EEF1E1: variants seen among roughly 807,000 people sequenced by gnomAD.
EEF1E1 encodes the protein eukaryotic translation elongation factor 1 epsilon 1.
Under a neutral mutation model 19.9 loss-of-function variants are expected in EEF1E1, and 19 were observed. The observed-to-expected ratio is 0.95, with a 90% CI of 0.66 to 1.40. The LOEUF (loss-of-function observed/expected upper bound fraction) is 1.40. Ranked by LOEUF, EEF1E1 falls within the 40% of genes most tolerant of loss-of-function variation. EEF1E1 has a pLI of 0.00. For synonymous variants in EEF1E1, 81 were observed against 80.0 expected, an observed-to-expected ratio of 1.01 and a Z score of -0.07; for missense variants, 198 against 202.2, an observed-to-expected ratio of 0.98 and a Z score of 0.13.
chr6:8,088,859 G>C (rs1465547072), intron 3 of EEF1E1, among the ~76,000 whole-genome samples: 3 of 152,036 alleles, frequency 2.0e-5, no homozygotes, highest in Admixed American at 1.3e-4. Flanking sequence ...ATGGAGGAAG[G>C]CTCGGTGATA....
chr6:8,074,387 A>G (rs1757545641), intron 3 of EEF1E1, among the ~76,000 whole-genome samples: 1 of 152,204 alleles, frequency 6.6e-6, no homozygotes, highest in Non-Finnish European at 1.5e-5. Context: ...AGCTCAGTAC[A>G]TTCTTTTACC....
At chr6:8,082,385 C>A (rs927263881) in intron 3 of EEF1E1, among the ~76,000 whole-genome samples, 2 of 152,200 alleles carry the variant, frequency 1.3e-5, no homozygotes, top group Non-Finnish European at 2.9e-5. Context: ...TCAAGCGATT[C>A]TCCTGCCTCA....
At chr6:8,099,767 CACACACACA>C in intron 1 of EEF1E1, among the ~76,000 whole-genome samples, 1 of 118,000 alleles carries the variant, frequency 8.5e-6, no homozygotes. Flanking sequence ...CACACACACA[CACACACACA>C]CACACACACA....
rs1330574289 is a variant in EEF1E1 at position 8,079,665 on chromosome 6, C to G, written c.*225G>C. On this transcript the variant is annotated 3_prime_UTR_variant, in exon 4 of 4. Coordinates refer to ENST00000379715, the MANE Select transcript of EEF1E1 (RefSeq NM_004280.5). ...TACTAAAAACAAGGTTAATTTATAA[C>G]TGGATCTCAACTTGTTTAATAGCAA... 2 of 1,204,884 alleles carry G rather than the reference C, an allele frequency of 1.7e-6. No homozygotes were observed. Among genetic ancestry groups the G allele is most frequent in the Middle Eastern group, 3.3e-4 (1 of 3,014 alleles). 74.6% of individuals were successfully genotyped at this position (1,204,884 alleles called of 1,614,324 possible). A position where few individuals can be genotyped will look rare whatever the true frequency, so the allele number is the denominator to read the frequency against.
chr6:8,092,999 T>C (rs1437494114), intron 2 of EEF1E1, among the ~76,000 whole-genome samples: 1 of 150,018 alleles, frequency 6.7e-6, no homozygotes, highest in African/African-American at 2.5e-5. Context: ...CTCAGCCTCC[T>C]GAGTAGCTGG....
At position 8,097,294 on chromosome 6, in the gene EEF1E1, A is replaced by G; in HGVS notation, c.261T>C (p.Ser87=). The change falls in exon 2 of 4, where the codon AGT becomes AGC. Residue 87 remains serine (S), a synonymous_variant. Transcript: ENST00000379715. ...TCAACAGTGTGTGGATGTCATTTTT[A>G]CTGGAGTGCCCATCTACTTGAGTGA... ...YRVTQVDGHS[S]KNDIHTLLKD... 6.2e-7 allele frequency: 1 copy of G among 1,614,200 alleles called. No homozygotes were observed. Among genetic ancestry groups the G allele is most frequent in the South Asian group, 1.1e-5 (1 of 91,088 alleles).
intron 1 of EEF1E1, among the ~76,000 whole-genome samples, chr6:8,100,531 T>C (rs1462782373): frequency 6.6e-6 from 1 of 152,128 alleles, no homozygotes; most frequent in African/African-American, 2.4e-5. Context: ...CTCAACAATC[T>C]TTCCATGTCC....
chr6:8,092,468 AT>A (rs781005391), intron 2 of EEF1E1, among the ~76,000 whole-genome samples: 4 of 152,186 alleles, frequency 2.6e-5, no homozygotes, highest in South Asian at 2.1e-4. Flanking sequence ...GACGATTTTC[AT>A]TTAAAGACAG....
At chr6:8,079,019 TATG>T (rs561041494), downstream of EEF1E1, among the ~76,000 whole-genome samples, 1 of 152,184 alleles carries the variant, frequency 6.6e-6, no homozygotes, top group Non-Finnish European at 1.5e-5. Flanking sequence ...TCTTTAGCTC[TATG>T]ATAACTATTA....
intron 1 of EEF1E1, among the ~76,000 whole-genome samples, chr6:8,100,771 C>T (rs1758326501): frequency 6.6e-6 from 1 of 151,572 alleles, no homozygotes; most frequent in Non-Finnish European, 1.5e-5. Context: ...TCTTTACGTA[C>T]AGCTGTCCTG....
chr6:8,099,519 G>T (rs1209040474), intron 1 of EEF1E1, among the ~76,000 whole-genome samples: 1 of 152,116 alleles, frequency 6.6e-6, no homozygotes, highest in Non-Finnish European at 1.5e-5. Context: ...GGCTGAGGTG[G>T]GCGGATCACC....
intron 3 of EEF1E1, among the ~76,000 whole-genome samples, chr6:8,080,832 T>G (rs1292342910): frequency 6.6e-6 from 1 of 152,220 alleles, no homozygotes. Flanking sequence ...AGTGCAAGTC[T>G]CTATAATGCT....
intron 1 of EEF1E1, among the ~76,000 whole-genome samples, chr6:8,099,242 C>T (rs1437478654): frequency 6.6e-6 from 1 of 152,210 alleles, no homozygotes; most frequent in Non-Finnish European, 1.5e-5. Context: ...GATGGCATAT[C>T]CAATGGTGCT....
chr6:8,083,356 G>A (rs946186890), intron 3 of EEF1E1, among the ~76,000 whole-genome samples: 4 of 152,090 alleles, frequency 2.6e-5, no homozygotes, highest in African/African-American at 9.7e-5. Context: ...AGAACCACAT[G>A]CCTCCAATGG....
chr6:8,088,392 C>A (rs77850920), intron 3 of EEF1E1, among the ~76,000 whole-genome samples: 28,296 of 152,096 alleles, frequency 0.19, 2,848 homozygotes, highest in Admixed American at 0.25. Flanking sequence ...TGAAATGTAA[C>A]TTCCACAATT....
chr6:8,101,791 GGGTC>G (rs755098064), intron 1 of EEF1E1: 36 of 1,289,258 alleles, frequency 2.8e-5, no homozygotes, highest in Middle Eastern at 2.1e-4. Context: ...CATTCACTGT[GGGTC>G]GTAACACTTA....
chr6:8,101,241 AAAATATATATATATATATATAT>A lies in EEF1E1; in HGVS notation c.87+1172_87+1193del, dbSNP rs1175315786. Among the ~76,000 whole-genome samples, 85 of 75,476 alleles carry A rather than the reference AAAATATATATATATATATATAT, an allele frequency of 1.1e-3. 15 individuals are homozygous for A. Among genetic ancestry groups the A allele is most frequent in the East Asian group, 2.9e-3 (10 of 3,440 alleles). The allele number at this position is 75,476 out of a possible 152,430, so 49.5% of individuals were successfully genotyped here. On this transcript the variant is annotated intron_variant, in intron 1 of 3. Transcript: ENST00000379715. Reference sequence around the variant, plus strand: ...ACTTTGTCTCAAAAAAAAAAAAAAAAAAATATATATATATATATATATATATATATATATATATATATGGCAC... The same window carrying A: ...ACTTTGTCTCAAAAAAAAAAAAAAAAATATATATATATATATATATGGCAC...
At position 8,079,816 on chromosome 6, in the gene EEF1E1, T is replaced by C; in HGVS notation, c.*74A>G. On this transcript the variant is annotated 3_prime_UTR_variant, in exon 4 of 4. Coordinates refer to ENST00000379715, the MANE Select transcript of EEF1E1 (RefSeq NM_004280.5). ...ATGAATGACTGTATATTAATTTACATTAGTCCTGTGGTCTAGAGTACATTT... is the reference window on the plus strand; with the variant it reads ...ATGAATGACTGTATATTAATTTACACTAGTCCTGTGGTCTAGAGTACATTT... The C allele has an allele frequency of 6.7e-7, 1 of 1,492,460 alleles. No individual in the cohort carries two copies. Among genetic ancestry groups the C allele is most frequent in the South Asian group, 1.4e-5 (1 of 70,854 alleles). 92.5% of individuals were successfully genotyped at this position (1,492,460 alleles called of 1,614,324 possible).
chr6:8,097,430 G>C lies in EEF1E1; in HGVS notation c.125C>G (p.Thr42Arg), dbSNP rs1221801515. Residue 42 changes from threonine (T) to arginine (R), a missense_variant, in exon 2 of 4, where the codon ACA becomes AGA. Thr to Arg is a moderately conservative substitution (Grantham distance 71). Coordinates refer to ENST00000379715, the MANE Select transcript of EEF1E1 (RefSeq NM_004280.5). The part of the protein sequence containing the change: ...VLQTNNGPSL[T>R]GLTTIAAHLV... ...ATGAGCTGCTATAGTAGTCAATCCT[G>C]TTAGACTTGGACCATTGTTTGTCTG... The C allele has an allele frequency of 3.7e-6, 6 of 1,613,938 alleles. No individual in the cohort carries two copies. In the African/African-American group the frequency reaches 8.0e-5, roughly 22 times the overall value.
Sources: gnomAD v4.1 joint callset for allele counts (sites outside exome capture counted in the v4.1 genomes callset) on GRCh38, gnomAD v4.1.1 for gene constraint, MANE v1.5 for transcripts, NCBI Gene and HGNC (gene_info 2026-07-23, HGNC 2026-07-21) for gene names.